The following SLC27A6 variants were observed in gnomAD, a reference collection of about 807,000 sequenced individuals.
SLC27A6 encodes the protein solute carrier family 27 member 6, also known as long-chain fatty acid transport protein 6.
SLC27A6 carries 74 observed loss-of-function variants against 63.9 expected under a neutral mutation model. The ratio of observed to expected loss-of-function variants is 1.16; its 90% CI spans 0.96 to 1.40. The LOEUF is 1.40. Ranked by LOEUF, SLC27A6 falls within the 40% of genes most tolerant of loss-of-function variation. The pLI is 0.00. For missense variants in SLC27A6, 794 were observed against 732.9 expected (o/e 1.08, Z -0.96); for synonymous variants, 287 against 260.8 (o/e 1.10, Z -0.97).
At chr5:128,981,491 A>T (rs1344142396) in intron 1 of SLC27A6, among the ~76,000 whole-genome samples, 2 of 139,624 alleles carry the variant, frequency 1.4e-5, no homozygotes, top group African/African-American at 5.0e-5. Flanking sequence ...AAAAAAAAAA[A>T]AGAAAAAAAA....
chr5:128,982,358 A>C (rs1490762092), intron 1 of SLC27A6, among the ~76,000 whole-genome samples: 1 of 152,176 alleles, frequency 6.6e-6, no homozygotes, highest in Non-Finnish European at 1.5e-5. Context: ...GATTCCTAGG[A>C]ACCTTCTCAC....
chr5:128,972,123 A>G (rs1433639883), intron 1 of SLC27A6, among the ~76,000 whole-genome samples: 3 of 152,150 alleles, frequency 2.0e-5, no homozygotes, highest in East Asian at 1.9e-4. Flanking sequence ...AGTTTCTGCC[A>G]AGAGATCAGC....
intron 1 of SLC27A6, among the ~76,000 whole-genome samples, chr5:128,975,148 T>G (rs546023255): frequency 6.6e-6 from 1 of 152,178 alleles, no homozygotes; most frequent in Non-Finnish European, 1.5e-5. Context: ...GTCAGGAGTT[T>G]GAGACCAGCC....
At chr5:128,969,143 A>G (rs187122544) in intron 1 of SLC27A6, among the ~76,000 whole-genome samples, 51 of 152,258 alleles carry the variant, frequency 3.3e-4, no homozygotes, top group African/African-American at 1.2e-3. Flanking sequence ...TGGTACTAGT[A>G]CCATGCTGTT....
chr5:128,979,010 A>G (rs188998351), intron 1 of SLC27A6, among the ~76,000 whole-genome samples: 6 of 152,206 alleles, frequency 3.9e-5, no homozygotes, highest in Non-Finnish European at 8.8e-5. Flanking sequence ...GTAGTGGGCT[A>G]TATCACTTAG....
At position 128,966,502 on chromosome 5, in the gene SLC27A6, G is replaced by T. The variant is rs1302592877; in HGVS notation, c.365G>T (p.Trp122Leu). The T allele has an allele frequency of 5.0e-6, 8 of 1,607,968 alleles. No individual in the cohort carries two copies. The highest frequency in any genetic ancestry group is 1.3e-5 in the African/African-American group (1 of 74,698). Residue 122 changes from tryptophan (W) to leucine (L), a missense_variant, in exon 1 of 10, where the codon TGG becomes TTG. Coordinates refer to ENST00000262462, the MANE Select transcript of SLC27A6 (RefSeq NM_001017372.3). Reference sequence around the variant, plus strand: ...AATGAGCCGGACTTCGTTCACGTGTGGTTCGGCCTCGCCAAGCTGGGCTGC... The same window carrying T: ...AATGAGCCGGACTTCGTTCACGTGTTGTTCGGCCTCGCCAAGCTGGGCTGC... ...MSNEPDFVHV[W>L]FGLAKLGCVV... is the part of the protein sequence containing the mutation.
Position 128,966,051 on chromosome 5 carries a change from C to A in SLC27A6, c.-87C>A. On this transcript the variant is annotated 5_prime_UTR_variant, in exon 1 of 10. The change creates a new upstream start codon in the 5' untranslated region. Transcript: ENST00000262462. ...GGTGTAAGCCCTGAGTAGTGAGGAT[C>A]TGCGGTCTCCGTGGAGAGCTGTGCC... The A allele has an allele frequency of 1.4e-6, 2 of 1,474,776 alleles. No individual in the cohort carries two copies. The highest frequency in any genetic ancestry group is 1.5e-5 in the South Asian group (1 of 68,098). 91.4% of individuals were successfully genotyped at this position (1,474,776 alleles called of 1,614,324 possible).
chr5:128,972,112 G>T (rs1280071851), intron 1 of SLC27A6, among the ~76,000 whole-genome samples: 2 of 152,120 alleles, frequency 1.3e-5, no homozygotes, highest in Non-Finnish European at 2.9e-5. Context: ...CTGGCTTGTA[G>T]AGTTTCTGCC....
chr5:128,979,095 G>T (rs537105393), intron 1 of SLC27A6, among the ~76,000 whole-genome samples: 1 of 151,100 alleles, frequency 6.6e-6, no homozygotes, highest in South Asian at 2.1e-4. Flanking sequence ...GGATCATAAA[G>T]TATATTCAAC....
rs1398108671 is a variant in SLC27A6 at position 129,029,644 on chromosome 5, A to T, written c.1620A>T (p.Lys540Asn). ...LKPNTSLDLEKVYEQVVTFLP... is the reference protein window; with the variant it reads ...LKPNTSLDLENVYEQVVTFLP... Reference sequence around the variant, plus strand: ...CAAATACATCTTTAGATTTGGAAAAAGTTTATGAACAAGTTGTAACATTTC... The same window carrying T: ...CAAATACATCTTTAGATTTGGAAAATGTTTATGAACAAGTTGTAACATTTC... The change falls in exon 9 of 10, where the codon AAA becomes AAT. Residue 540 changes from lysine (K) to asparagine (N), a missense_variant. Physicochemically the swap from Lys to Asn is moderately conservative, Grantham distance 94. Coordinates refer to ENST00000262462, the MANE Select transcript of SLC27A6 (RefSeq NM_001017372.3). 1.2e-6 allele frequency: 2 copies of T among 1,601,668 alleles called. No individual in the cohort carries two copies. Among genetic ancestry groups the T allele is most frequent in the Admixed American group, 3.5e-5 (2 of 57,424 alleles).
At chr5:128,994,453 C>T (rs1751087826) in intron 4 of SLC27A6, among the ~76,000 whole-genome samples, 2 of 152,098 alleles carry the variant, frequency 1.3e-5, no homozygotes, top group Non-Finnish European at 2.9e-5. Flanking sequence ...GACATCTTTT[C>T]CCTTCAAGGA....
At chr5:129,011,339 A>G (rs1258554688) in intron 4 of SLC27A6, among the ~76,000 whole-genome samples, 1 of 152,184 alleles carries the variant, frequency 6.6e-6, no homozygotes, top group East Asian at 1.9e-4. Flanking sequence ...AGAAGAAATC[A>G]TAATGTTTGT....
chr5:128,991,455 G>A (rs1399576189), intron 4 of SLC27A6, among the ~76,000 whole-genome samples: 4 of 152,146 alleles, frequency 2.6e-5, no homozygotes, highest in African/African-American at 9.7e-5. Flanking sequence ...GTACTAATGT[G>A]CTTTGTACTG....
intron 9 of SLC27A6, 79 bp downstream of exon 9, chr5:129,029,786 T>C: frequency 2.3e-6 from 3 of 1,286,026 alleles, no homozygotes; most frequent in South Asian, 1.3e-5. Flanking sequence ...TAATATTGTA[T>C]CCTTTAGATA....
At chr5:128,969,862 C>G (rs537075488) in intron 1 of SLC27A6, among the ~76,000 whole-genome samples, 32 of 152,278 alleles carry the variant, frequency 2.1e-4, no homozygotes, top group Non-Finnish European at 4.3e-4. Flanking sequence ...GGGAATGCTT[C>G]CAGTCTTTGC....
At chr5:129,003,967 CAAAAAA>C (rs779667758) in intron 4 of SLC27A6, among the ~76,000 whole-genome samples, 1 of 69,426 alleles carries the variant, frequency 1.4e-5, no homozygotes, top group African/African-American at 5.5e-5. Flanking sequence ...GACCCTGTCT[CAAAAAA>C]AAAAAAAAAA....
chr5:128,967,303 C>G (rs987131060), intron 1 of SLC27A6, among the ~76,000 whole-genome samples: 2 of 152,066 alleles, frequency 1.3e-5, no homozygotes, highest in Non-Finnish European at 2.9e-5. Flanking sequence ...TAAAGAAAAG[C>G]CTGGGGTTTA....
intron 4 of SLC27A6, among the ~76,000 whole-genome samples, chr5:129,001,435 G>A (rs911156320): frequency 6.6e-6 from 1 of 152,208 alleles, no homozygotes; most frequent in East Asian, 1.9e-4. Flanking sequence ...GCAAACTGTT[G>A]GAATGTTTTA....
rs1750879090 is a variant in SLC27A6, at chr5:128,988,830, G to A, written c.844+72G>A. ...TTAGAACAAGTATTTATTAACATTT[G>A]AAGCTGTATCGGTAGAATTTAGAGT... On this transcript the variant is annotated intron_variant, in intron 3 of 9. Transcript: ENST00000262462. 5.0e-5 allele frequency: 62 copies of A among 1,231,604 alleles called. 1 individual carries two copies. The South Asian group carries it at 8.8e-4, about 17-fold the overall frequency. 76.3% of individuals were successfully genotyped at this position (1,231,604 alleles called of 1,614,324 possible).
Sources: allele counts gnomAD v4.1 joint callset (sites outside exome capture counted in the v4.1 genomes callset), GRCh38; gene constraint gnomAD v4.1.1; transcripts MANE v1.5; gene names NCBI Gene and HGNC (gene_info 2026-07-23, HGNC 2026-07-21).